Variants in PTPRN2 observed in about 807,000 individuals in gnomAD.
PTPRN2 encodes the protein receptor-type tyrosine-protein phosphatase N2.
In PTPRN2, 74 loss-of-function variants were observed where a neutral mutation model predicts 118.8. The observed-to-expected ratio is 0.62, with a 90% CI of 0.52 to 0.76. PTPRN2 has a LOEUF of 0.76. PTPRN2 is among the 30% of genes least tolerant of loss of function. The pLI is 0.00. For missense variants in PTPRN2, 1,481 were observed against 1,394.4 expected, an observed-to-expected ratio of 1.06 and a Z score of -0.99; for synonymous variants, 641 against 608.0, an observed-to-expected ratio of 1.05 and a Z score of -0.80.
At chr7:157,717,392 T>C (rs1798977358) in intron 12 of PTPRN2, among the ~76,000 whole-genome samples, 1 of 152,236 alleles carries the variant, frequency 6.6e-6, no homozygotes, top group Non-Finnish European at 1.5e-5. Flanking sequence ...ACTCAGCACC[T>C]GCATGGGACA....
chr7:158,399,773 G>A (rs536125206), intron 2 of PTPRN2, among the ~76,000 whole-genome samples: 3 of 152,314 alleles, frequency 2.0e-5, no homozygotes, highest in South Asian at 4.1e-4. Context: ...CCAGTGAAAG[G>A]TGCATCACCA....
chr7:157,580,506 G>GCACACCGCA (rs1800295349), intron 17 of PTPRN2, among the ~76,000 whole-genome samples: 1 of 91,276 alleles, frequency 1.1e-5, no homozygotes, highest in African/African-American at 4.5e-5. Flanking sequence ...TGCACACCGT[G>GCACACCGCA]GCACCTGCAC....
chr7:158,475,309 C>T (rs1164069898), intron 2 of PTPRN2, among the ~76,000 whole-genome samples: 1 of 150,044 alleles, frequency 6.7e-6, no homozygotes, highest in African/African-American at 2.5e-5. Context: ...CCCCAGCTCC[C>T]CCTGTCTGGG....
chr7:157,742,601 C>T (rs1800699359), intron 12 of PTPRN2, among the ~76,000 whole-genome samples: 1 of 151,998 alleles, frequency 6.6e-6, no homozygotes, highest in African/African-American at 2.4e-5. Flanking sequence ...TGCGTGTACC[C>T]CACGAGGGTG....
intron 10 of PTPRN2, among the ~76,000 whole-genome samples, chr7:158,098,170 A>G (rs1159635904): frequency 6.6e-6 from 1 of 152,214 alleles, no homozygotes. Context: ...ACCAGAACTC[A>G]AGACCCAGCG....
intron 11 of PTPRN2, among the ~76,000 whole-genome samples, chr7:158,042,587 T>C (rs1808555714): frequency 6.6e-6 from 1 of 152,234 alleles, no homozygotes; most frequent in Admixed American, 6.5e-5. Flanking sequence ...CCGTCACGGC[T>C]GAGTTCACGT....
intron 2 of PTPRN2, among the ~76,000 whole-genome samples, chr7:158,334,064 C>T (rs377571947): frequency 1.6e-4 from 10 of 61,708 alleles, no homozygotes; most frequent in East Asian, 4.7e-4. Flanking sequence ...CGCCCGCAGA[C>T]GTCACTCACA....
At chr7:158,332,362 C>T (rs1343553689) in intron 2 of PTPRN2, among the ~76,000 whole-genome samples, 1 of 150,302 alleles carries the variant, frequency 6.7e-6, no homozygotes, top group African/African-American at 2.5e-5. Context: ...CACCCACACT[C>T]TCACCATAAG....
chr7:157,699,730 A>G (rs1286501488), intron 12 of PTPRN2, among the ~76,000 whole-genome samples: 1 of 152,120 alleles, frequency 6.6e-6, no homozygotes, highest in East Asian at 1.9e-4. Flanking sequence ...CACCCTGCCC[A>G]GTTGCTTTTC....
chr7:158,091,420 A>G (rs1289415074), intron 10 of PTPRN2, among the ~76,000 whole-genome samples: 1 of 152,254 alleles, frequency 6.6e-6, no homozygotes, highest in Non-Finnish European at 1.5e-5. Flanking sequence ...AATTTTCTTG[A>G]AAGTTATTTA....
intron 3 of PTPRN2, among the ~76,000 whole-genome samples, chr7:158,312,723 ACC>A (rs1801946035): frequency 4.2e-5 from 1 of 24,074 alleles, no homozygotes; most frequent in Admixed American, 3.7e-4. Context: ...ACATATAGAT[ACC>A]CACACACACA....
intron 2 of PTPRN2, among the ~76,000 whole-genome samples, chr7:158,421,211 C>G (rs573930406): frequency 6.6e-6 from 1 of 152,304 alleles, no homozygotes; most frequent in Non-Finnish European, 1.5e-5. Context: ...TCATGTCCTG[C>G]ACAGCTCTCA....
At chr7:157,842,410 C>CTTTTTTTTT (rs11316558) in intron 12 of PTPRN2, among the ~76,000 whole-genome samples, 2 of 93,236 alleles carry the variant, frequency 2.1e-5, no homozygotes, top group Admixed American at 1.3e-4. Flanking sequence ...ATTCAGGAGA[C>CTTTTTTTTT]TTTTTTTTTT....
intron 3 of PTPRN2, among the ~76,000 whole-genome samples, chr7:158,253,062 C>A (rs966337232): frequency 6.6e-6 from 1 of 152,214 alleles, no homozygotes; most frequent in Non-Finnish European, 1.5e-5. Flanking sequence ...TTGTCCAGAC[C>A]AAACCCAACC....
chr7:158,066,695 C>G (rs951718648), intron 11 of PTPRN2, among the ~76,000 whole-genome samples: 2 of 152,038 alleles, frequency 1.3e-5, no homozygotes, highest in East Asian at 3.9e-4. Flanking sequence ...GGTGAAGTCC[C>G]TTACGAATAC....
intron 3 of PTPRN2, among the ~76,000 whole-genome samples, chr7:158,313,260 G>T (rs1016746595): frequency 6.6e-6 from 1 of 152,152 alleles, no homozygotes; most frequent in African/African-American, 2.4e-5. Context: ...CTGCCACAGG[G>T]TCGTCCTCCT....
intron 2 of PTPRN2, among the ~76,000 whole-genome samples, chr7:158,435,220 A>T (rs1563288995): frequency 6.6e-6 from 1 of 152,226 alleles, no homozygotes; most frequent in Non-Finnish European, 1.5e-5. Context: ...TTAATGTCCA[A>T]AATGTATAAG....
intron 1 of PTPRN2, among the ~76,000 whole-genome samples, chr7:158,492,671 C>G (rs901854231): frequency 6.6e-6 from 1 of 152,218 alleles, no homozygotes; most frequent in Non-Finnish European, 1.5e-5. Context: ...TTCACCCAGC[C>G]AGTGGATATG....
chr7:158,350,242 A>T (rs538348321), intron 2 of PTPRN2, among the ~76,000 whole-genome samples: 1 of 152,284 alleles, frequency 6.6e-6, no homozygotes, highest in African/African-American at 2.4e-5. Context: ...GAGATGCTCA[A>T]CATCAGCCGG....
Sources: gnomAD v4.1 joint callset for allele counts (sites outside exome capture counted in the v4.1 genomes callset) on GRCh38, gnomAD v4.1.1 for gene constraint, MANE v1.5 for transcripts, NCBI Gene and HGNC (gene_info 2026-07-23, HGNC 2026-07-21) for gene names.